The following TNFAIP8 variants were observed in gnomAD, a reference collection of about 807,000 sequenced individuals.
The protein encoded by TNFAIP8 is tumor necrosis factor alpha-induced protein 8.
In TNFAIP8, 7 loss-of-function variants were observed where a neutral mutation model predicts 13.3. The observed-to-expected ratio is 0.52, with a 90% CI of 0.30 to 0.99. TNFAIP8 has a LOEUF of 0.99. TNFAIP8 is among the 50% of genes least tolerant of loss of function. The probability of loss-of-function intolerance (pLI) is 0.07; values close to 1 mark genes in which losing one functional copy is unlikely to be tolerated. For synonymous variants in TNFAIP8, 94 were observed against 87.6 expected (o/e 1.07, Z -0.41); for missense variants, 258 against 236.9 (o/e 1.09, Z -0.58).
chr5:119,375,556 G>T (rs1445968060), intron 1 of TNFAIP8, among the ~76,000 whole-genome samples: 1 of 152,060 alleles, frequency 6.6e-6, no homozygotes, highest in East Asian at 1.9e-4. Context: ...CGTATATTTT[G>T]GAAAACGTTT....
intron 1 of TNFAIP8, among the ~76,000 whole-genome samples, chr5:119,347,311 A>G (rs1750938549): frequency 6.6e-6 from 1 of 152,178 alleles, no homozygotes; most frequent in Non-Finnish European, 1.5e-5. Context: ...ACCCATTTAG[A>G]TCATTTCTTT....
chr5:119,367,644 T>C (rs1751910089), intron 1 of TNFAIP8, among the ~76,000 whole-genome samples: 1 of 152,216 alleles, frequency 6.6e-6, no homozygotes, highest in Non-Finnish European at 1.5e-5. Context: ...ATTGACTACA[T>C]GTAGGCAGCT....
intron 1 of TNFAIP8, among the ~76,000 whole-genome samples, chr5:119,319,131 A>T (rs1486375147): frequency 6.6e-6 from 1 of 152,170 alleles, no homozygotes; most frequent in African/African-American, 2.4e-5. Context: ...ATTCTTGGCC[A>T]GGTGTGGTGG....
Position 119,288,175 on chromosome 5 carries a change from A to G in TNFAIP8, c.1+19268A>G, listed in dbSNP as rs10452545. ...TTTCCATCCTCATCTGTGGTTATAT[A>G]TAGCTGTGACCATAGAATATACACA... On this transcript the variant is annotated intron_variant, in intron 1 of 1. Coordinates refer to the TNFAIP8 transcript ENST00000274456. Among the ~76,000 whole-genome samples the G allele has an allele frequency of 4.3e-3, 661 of 152,318 alleles. 1 individual carries two copies. Among genetic ancestry groups the G allele is most frequent in the African/African-American group, 0.015 (623 of 41,568 alleles).
Position 119,398,640 on chromosome 5 carries a change from AC to A in TNFAIP8, c.*5260del, listed in dbSNP as rs763409172. The A allele has an allele frequency of 1.3e-5, 2 of 151,810 alleles. No individual in the cohort carries two copies. The highest frequency in any genetic ancestry group is 6.6e-5 in the Admixed American group (1 of 15,230). 9.4% of individuals were successfully genotyped at this position (151,810 alleles called of 1,614,324 possible). A position where few individuals can be genotyped will look rare whatever the true frequency, so the allele number is the denominator to read the frequency against. ...GGTTGCAGTGAGCCAAGATTACACC[AC>A]TGCACTCCAGCCTGGGCAACAAGAG... On this transcript the variant is annotated 3_prime_UTR_variant, in exon 2 of 2. Coordinates refer to ENST00000504771, the MANE Select transcript of TNFAIP8 (RefSeq NM_014350.4).
intron 1 of TNFAIP8, among the ~76,000 whole-genome samples, chr5:119,366,940 G>T (rs781777058): frequency 1.3e-5 from 2 of 152,150 alleles, no homozygotes; most frequent in Non-Finnish European, 2.9e-5. Context: ...AATGGGGAGG[G>T]ACATGAGGGA....
intron 1 of TNFAIP8, among the ~76,000 whole-genome samples, chr5:119,315,206 C>A (rs948416381): frequency 6.6e-6 from 1 of 152,340 alleles, no homozygotes; most frequent in South Asian, 2.1e-4. Context: ...CTTCAGCCTC[C>A]TGAGTAGCTG....
Position 119,374,675 on chromosome 5 carries a change from A to C in TNFAIP8, c.32-18141A>C, listed in dbSNP as rs757914009. Among the ~76,000 whole-genome samples, 3 of 152,182 alleles carry C rather than the reference A, an allele frequency of 2.0e-5. 1 individual carries two copies. Among genetic ancestry groups the C allele is most frequent in the Non-Finnish European group, 4.4e-5 (3 of 68,034 alleles). On this transcript the variant is annotated intron_variant, in intron 1 of 1. Transcript: ENST00000504771. ...TGATTCAGAATGGTTTGAGCCCCTG[A>C]TCATTTCAATGCGGGGTAGCTAGGG...
At chr5:119,311,930 C>T (rs1319376566) in intron 1 of TNFAIP8, among the ~76,000 whole-genome samples, 1 of 152,040 alleles carries the variant, frequency 6.6e-6, no homozygotes, top group African/African-American at 2.4e-5. Context: ...TTAACCAAAC[C>T]TAGTTTAACT....
intron 1 of TNFAIP8, among the ~76,000 whole-genome samples, chr5:119,358,856 A>G (rs918228425): frequency 6.6e-6 from 1 of 152,162 alleles, no homozygotes; most frequent in African/African-American, 2.4e-5. Context: ...TGAGAAAGCC[A>G]TTGTTAAGGG....
chr5:119,379,913 C>T (rs17385942), intron 1 of TNFAIP8, among the ~76,000 whole-genome samples: 4,581 of 152,208 alleles, frequency 0.03, 95 homozygotes, highest in Admixed American at 0.043. Flanking sequence ...CTTTTTAGTT[C>T]GAGGAGTTGC....
chr5:119,337,291 A>T lies in TNFAIP8; in HGVS notation c.2-55525A>T, dbSNP rs562580015. On this transcript the variant is annotated intron_variant, in intron 1 of 1. Transcript: ENST00000274456. Reference sequence around the variant, plus strand: ...AGCACTATTTCTTTTTTGCCAACCAAGGTGATTTCATGTTTATTTGTATAT... The same window carrying T: ...AGCACTATTTCTTTTTTGCCAACCATGGTGATTTCATGTTTATTTGTATAT... Among the ~76,000 whole-genome samples, 98 of 152,266 alleles carry T rather than the reference A, an allele frequency of 6.4e-4. 2 individuals carry two copies. In the South Asian group the frequency reaches 0.02, roughly 32 times the overall value.
chr5:119,364,227 TAAAC>T (rs1751744954), intron 1 of TNFAIP8, among the ~76,000 whole-genome samples: 1 of 152,200 alleles, frequency 6.6e-6, no homozygotes, highest in Non-Finnish European at 1.5e-5. Context: ...CTCATTAACA[TAAAC>T]AGGTAAGTTT....
intron 1 of TNFAIP8, among the ~76,000 whole-genome samples, chr5:119,334,676 A>T (rs1750494408): frequency 7.0e-6 from 1 of 142,824 alleles, no homozygotes; most frequent in Non-Finnish European, 1.5e-5. Flanking sequence ...TGGGAGTCTG[A>T]GGCAGGAGAA....
intron 1 of TNFAIP8, among the ~76,000 whole-genome samples, chr5:119,380,462 A>G (rs774824542): frequency 5.3e-5 from 8 of 152,236 alleles, no homozygotes; most frequent in Non-Finnish European, 8.8e-5. Context: ...TAGGGATGGA[A>G]AAGTGTAGAA....
intron 1 of TNFAIP8, among the ~76,000 whole-genome samples, chr5:119,350,961 T>C: frequency 6.7e-6 from 1 of 149,872 alleles, no homozygotes; most frequent in Non-Finnish European, 1.5e-5. Flanking sequence ...TTTGTGTGTG[T>C]GTGTGTGTGT....
chr5:119,298,648 T>TG (rs1394680407), intron 1 of TNFAIP8, among the ~76,000 whole-genome samples: 1 of 152,142 alleles, frequency 6.6e-6, no homozygotes, highest in Non-Finnish European at 1.5e-5. Flanking sequence ...ATCTGAATGT[T>TG]GGCCTGCCTT....
intron 1 of TNFAIP8, among the ~76,000 whole-genome samples, chr5:119,376,332 C>T (rs1182701278): frequency 1.3e-5 from 2 of 151,180 alleles, no homozygotes; most frequent in Admixed American, 6.6e-5. Flanking sequence ...CCAGGCTGGT[C>T]TCGAACTGCT....
intron 1 of TNFAIP8, among the ~76,000 whole-genome samples, chr5:119,384,250 C>T (rs546802704): frequency 1.4e-4 from 22 of 152,188 alleles, no homozygotes; most frequent in African/African-American, 4.3e-4. Flanking sequence ...TTTGGGAGAC[C>T]GAGGCGGGTG....
Sources: gnomAD v4.1 joint callset for allele counts (sites outside exome capture counted in the v4.1 genomes callset) on GRCh38, gnomAD v4.1.1 for gene constraint, MANE v1.5 for transcripts, NCBI Gene and HGNC (gene_info 2026-07-23, HGNC 2026-07-21) for gene names.